GSN: variants seen among roughly 807,000 people sequenced by gnomAD.
GSN encodes the protein gelsolin.
In GSN, 56 loss-of-function variants were observed where a neutral mutation model predicts 85.7. The observed-to-expected ratio is 0.65, with a 90% CI of 0.53 to 0.82. GSN has a LOEUF of 0.82. Among genes scored for constraint, GSN ranks in the 40% least tolerant of loss-of-function variants. The probability of loss-of-function intolerance (pLI) is 0.00; values close to 1 mark genes in which losing one functional copy is unlikely to be tolerated. For synonymous variants in GSN, 373 were observed against 399.1 expected, an observed-to-expected ratio of 0.93 and a Z score of 0.78; for missense variants, 857 against 979.8, an observed-to-expected ratio of 0.87 and a Z score of 1.67.
Position 121,332,492 on chromosome 9 carries a change from G to T in GSN, c.2085G>T (p.Val695=), listed in dbSNP as rs1382121890. ...GGGATCGGCGGACGCCCATCACCGT[G>T]GTGAAGCAAGGCTTTGAGCCTCCCT... ...ANRDRRTPIT[V]VKQGFEPPSF... The change falls in exon 18 of 18, where the codon GTG becomes GTT. Residue 695 remains valine (V), a synonymous_variant. Transcript: ENST00000432226. This position sits in a 1 kb window ranked among gnomAD's most constrained non-coding sequence, Gnocchi z 4.8. 32 of 1,613,950 alleles carry T rather than the reference G, an allele frequency of 2.0e-5. No homozygotes were observed. The highest frequency in any genetic ancestry group is 2.6e-5 in the Non-Finnish European group (31 of 1,179,944).
chr9:121,275,073 G>A (rs73660429), intron 1 of GSN, among the ~76,000 whole-genome samples: 344 of 152,316 alleles, frequency 2.3e-3, no homozygotes, highest in African/African-American at 8.0e-3. Flanking sequence ...ATCTGAAGCT[G>A]GTTATAAAAA....
In GSN at chr9:121,318,933, A is replaced by G. The variant is rs1029741419; in HGVS notation, c.1191+53A>G. Reference sequence around the variant, plus strand: ...TCCAGGCCCCTCCCTCACTTTCCCCATGCACTGCCTCTTGCTTCCCCAAGG... The same window carrying G: ...TCCAGGCCCCTCCCTCACTTTCCCCGTGCACTGCCTCTTGCTTCCCCAAGG... On this transcript the variant is annotated intron_variant, in intron 10 of 17. Transcript: ENST00000432226. This position sits in a 1 kb window ranked among gnomAD's most constrained non-coding sequence, Gnocchi z 4.3. 1.5e-6 allele frequency: 2 copies of G among 1,348,790 alleles called. No homozygotes were observed. The highest frequency in any genetic ancestry group is 1.4e-5 in the African/African-American group (1 of 69,864). 83.6% of individuals were successfully genotyped at this position (1,348,790 alleles called of 1,614,324 possible).
At chr9:121,238,496 T>C (rs1450674164) in intron 5 of GSN, among the ~76,000 whole-genome samples, 7 of 152,208 alleles carry the variant, frequency 4.6e-5, no homozygotes, top group Non-Finnish European at 8.8e-5. Flanking sequence ...ACTGTCAGCT[T>C]CCTTACTTTT....
chr9:121,295,603 A>G (rs2059136237), intron 2 of GSN, among the ~76,000 whole-genome samples: 1 of 152,156 alleles, frequency 6.6e-6, no homozygotes, highest in African/African-American at 2.4e-5. Context: ...GGTCTCTGGT[A>G]GGGGGTCCCG....
At chr9:121,293,016 A>T (rs1198034920) in intron 2 of GSN, among the ~76,000 whole-genome samples, 1 of 152,188 alleles carries the variant, frequency 6.6e-6, no homozygotes, top group East Asian at 1.9e-4. Flanking sequence ...GCAAGGAGGA[A>T]ATCTTGGCCA....
chr9:121,238,644 T>C (rs1287997679), intron 5 of GSN: 1 of 291,226 alleles, frequency 3.4e-6, no homozygotes, highest in African/African-American at 2.2e-5. Flanking sequence ...ATTAATTCTC[T>C]CCCTCTGGAG....
chr9:121,321,238 C>T (rs1396766391), intron 10 of GSN, 30 bp from the exon 11 acceptor site: 7 of 1,612,706 alleles, frequency 4.3e-6, no homozygotes, highest in East Asian at 2.2e-5. Flanking sequence ...GGGTGCTGCA[C>T]AGCATCTGAC....
At chr9:121,249,180 T>C (rs4837822) in intron 6 of GSN, among the ~76,000 whole-genome samples, 108,976 of 151,896 alleles carry the variant, frequency 0.72, 39,387 homozygotes, top group East Asian at 0.81. Context: ...TGCAAGAGAC[T>C]GGGCGTGGTG....
At chr9:121,314,744 AAT>A (rs1000353905) in intron 7 of GSN, among the ~76,000 whole-genome samples, 3 of 152,262 alleles carry the variant, frequency 2.0e-5, no homozygotes, top group African/African-American at 7.2e-5. Flanking sequence ...TTACTTTTAA[AAT>A]ATGTTTTAAT....
At chr9:121,331,475 G>A (rs934160612) in intron 17 of GSN, 27 bp downstream of exon 17, 1 of 1,412,830 alleles carries the variant, frequency 7.1e-7, no homozygotes, top group South Asian at 1.2e-5. Flanking sequence ...CTGGGGGCGG[G>A]GGGAGGGGTC....
At chr9:121,323,187 T>C (rs2062705319) in intron 11 of GSN, among the ~76,000 whole-genome samples, 1 of 152,082 alleles carries the variant, frequency 6.6e-6, no homozygotes, top group Non-Finnish European at 1.5e-5. Flanking sequence ...TGCTGAAAAG[T>C]TGCAAAAATA....
At chr9:121,317,609 A>G (rs1285942485) in intron 8 of GSN, 2 of 296,308 alleles carry the variant, frequency 6.7e-6, no homozygotes, top group South Asian at 3.3e-5. Context: ...GTTCATTTAC[A>G]GGGGGGCTTT....
At chr9:121,297,740 G>T (rs1369730481) in intron 2 of GSN, 1 of 152,122 alleles carries the variant, frequency 6.6e-6, no homozygotes, top group Non-Finnish European at 1.5e-5. Flanking sequence ...CTATTGTAAT[G>T]GTGGCTCCAT....
At chr9:121,268,985 G>T (rs1008684964) in intron 1 of GSN, among the ~76,000 whole-genome samples, 1 of 152,226 alleles carries the variant, frequency 6.6e-6, no homozygotes, top group African/African-American at 2.4e-5. Context: ...GGGGCTGGGG[G>T]TGTGGGTGAG....
At position 121,310,707 on chromosome 9, in the gene GSN, C is replaced by T. The variant is rs2061012510; in HGVS notation, c.375C>T (p.Phe125=). Residue 125 remains phenylalanine, a synonymous_variant, in exon 5 of 18, where the codon TTC becomes TTT. Coordinates refer to ENST00000432226, the MANE Select transcript of GSN (RefSeq NM_198252.3). ...KYKKGGVASG[F]KHVVPNEVVV... The stretch of plus-strand genomic sequence containing the variant: ...AGAAAGGAGGTGTGGCATCAGGATT[C>T]AAGCACGTGGTACCCAACGAGGTGG... 6.2e-7 allele frequency: 1 copy of T among 1,614,180 alleles called. No homozygotes were observed. Among genetic ancestry groups the T allele is most frequent in the African/African-American group, 1.3e-5 (1 of 75,050 alleles).
intron 4 of GSN, chr9:121,310,233 G>A (rs2060939552): frequency 1.1e-5 from 3 of 274,046 alleles, no homozygotes; most frequent in Non-Finnish European, 2.1e-5. Context: ...GGGAGGGTGA[G>A]TGAGAAGCAT....
chr9:121,278,971 G>A (rs1291787081), intron 1 of GSN, among the ~76,000 whole-genome samples: 3 of 152,256 alleles, frequency 2.0e-5, no homozygotes, highest in Non-Finnish European at 4.4e-5. Flanking sequence ...TTACACACGT[G>A]TGCACGCATG....
intron 5 of GSN, among the ~76,000 whole-genome samples, chr9:121,243,569 A>C (rs145560630): frequency 7.3e-4 from 111 of 152,294 alleles, no homozygotes; most frequent in African/African-American, 2.5e-3. Flanking sequence ...ATGTACATAT[A>C]GTAAAATTCA....
chr9:121,286,255 G>C (rs2058057928), intron 2 of GSN: 2 of 1,035,906 alleles, frequency 1.9e-6, no homozygotes, highest in Admixed American at 4.3e-5. Context: ...AGACCCGAGG[G>C]AAAGTCCCGC....
Sources: gnomAD v4.1 joint callset for allele counts (sites outside exome capture counted in the v4.1 genomes callset) on GRCh38, gnomAD v4.1.1 for gene constraint, Gnocchi (gnomAD v3.1) non-coding constraint, MANE v1.5 for transcripts, NCBI Gene and HGNC (gene_info 2026-07-23, HGNC 2026-07-21) for gene names.